CDH4: variants seen among roughly 807,000 people sequenced by gnomAD.
CDH4 encodes the protein cadherin 4, also known as cadherin-4.
In CDH4, 33 loss-of-function variants were observed where a neutral mutation model predicts 86.0. That is an observed-to-expected ratio of 0.38 (90% CI 0.29 to 0.51). The LOEUF (loss-of-function observed/expected upper bound fraction) is 0.51, where lower values mean the gene tolerates loss of function less well. Among genes scored for constraint, CDH4 ranks in the 20% least tolerant of loss-of-function variants. The probability of loss-of-function intolerance (pLI) is 0.86; values close to 1 mark genes in which losing one functional copy is unlikely to be tolerated. For missense variants in CDH4, 1,114 were observed against 1,307.4 expected, an observed-to-expected ratio of 0.85 and a Z score of 2.28; for synonymous variants, 555 against 549.4, an observed-to-expected ratio of 1.01 and a Z score of -0.14.
chr20:61,830,887 T>C (rs1035710538), intron 4 of CDH4, among the ~76,000 whole-genome samples: 1 of 152,228 alleles, frequency 6.6e-6, no homozygotes, highest in Non-Finnish European at 1.5e-5. Flanking sequence ...TCTCTCCTGA[T>C]GCCCTGTTTG....
chr20:61,707,506 G>A (rs1446304822), intron 2 of CDH4, among the ~76,000 whole-genome samples: 6 of 152,228 alleles, frequency 3.9e-5, no homozygotes, highest in African/African-American at 1.4e-4. Context: ...TGAGTGCCGT[G>A]TAATCCTTAC....
rs186916893 is a variant in CDH4, at chr20:61,288,335, C to T, written c.169+33398C>T. Among the ~76,000 whole-genome samples the T allele has an allele frequency of 7.2e-5, 11 of 152,286 alleles. No individual in the cohort carries two copies. In the South Asian group the frequency reaches 8.3e-4, roughly 11 times the overall value. On this transcript the variant is annotated intron_variant, in intron 2 of 15. Transcript: ENST00000614565. ...TTAGAGCTGAAAACATCATGTTGTT[C>T]GCTCTTGGCAGACAACCTAATGCCC...
intron 2 of CDH4, among the ~76,000 whole-genome samples, chr20:61,471,687 G>T (rs535243002): frequency 2.6e-5 from 4 of 151,570 alleles, no homozygotes; most frequent in Non-Finnish European, 5.9e-5. Context: ...GCTGTGTTCC[G>T]TAGGTTTTGC....
intron 2 of CDH4, among the ~76,000 whole-genome samples, chr20:61,407,999 A>T (rs2085093413): frequency 6.6e-6 from 1 of 152,204 alleles, no homozygotes; most frequent in East Asian, 1.9e-4. Flanking sequence ...ACTGAAAGCC[A>T]CCTGTCTAAA....
At chr20:61,693,737 G>A (rs1202647431) in intron 2 of CDH4, among the ~76,000 whole-genome samples, 2 of 152,170 alleles carry the variant, frequency 1.3e-5, no homozygotes, top group African/African-American at 2.4e-5. Context: ...CCAACAACAG[G>A]CAGAAGTGGA....
At chr20:61,696,071 G>A (rs1286576202) in intron 2 of CDH4, among the ~76,000 whole-genome samples, 1 of 152,174 alleles carries the variant, frequency 6.6e-6, no homozygotes, top group East Asian at 1.9e-4. Flanking sequence ...CGTTTCCTGA[G>A]CCCCTCTTGC....
intron 2 of CDH4, among the ~76,000 whole-genome samples, chr20:61,513,982 T>C (rs1600722299): frequency 6.6e-6 from 1 of 152,180 alleles, no homozygotes; most frequent in African/African-American, 2.4e-5. Context: ...GCAGAGAGAA[T>C]GGGCAACGCC....
At chr20:61,758,550 C>T (rs1455320832) in intron 3 of CDH4, among the ~76,000 whole-genome samples, 2 of 152,180 alleles carry the variant, frequency 1.3e-5, no homozygotes, top group African/African-American at 4.8e-5. Flanking sequence ...TCTGCCTCTG[C>T]CCACCTCCCA....
intron 2 of CDH4, among the ~76,000 whole-genome samples, chr20:61,661,671 T>C (rs1430508843): frequency 6.6e-6 from 1 of 152,134 alleles, no homozygotes; most frequent in East Asian, 1.9e-4. Flanking sequence ...TTGTCACCTT[T>C]GCCTTTGTGT....
At chr20:61,567,836 G>A (rs2086311848) in intron 2 of CDH4, among the ~76,000 whole-genome samples, 1 of 152,082 alleles carries the variant, frequency 6.6e-6, no homozygotes, top group African/African-American at 2.4e-5. Flanking sequence ...AGCCAGGTGT[G>A]GTGACACACA....
chr20:61,711,711 G>A (rs2087895321), intron 2 of CDH4, among the ~76,000 whole-genome samples: 1 of 152,212 alleles, frequency 6.6e-6, no homozygotes. Flanking sequence ...GGACATCTGG[G>A]GAGGGCCGTT....
intron 2 of CDH4, among the ~76,000 whole-genome samples, chr20:61,372,948 C>T (rs550208674): frequency 1.3e-5 from 2 of 152,396 alleles, no homozygotes; most frequent in African/African-American, 2.4e-5. Context: ...CCGTGCCCTC[C>T]GCGTCCTTGC....
intron 2 of CDH4, among the ~76,000 whole-genome samples, chr20:61,415,430 G>T (rs1354539656): frequency 6.6e-6 from 1 of 152,108 alleles, no homozygotes; most frequent in African/African-American, 2.4e-5. Context: ...AGCGGCATTA[G>T]GTACATTCAC....
At chr20:61,828,496 G>A (rs1433167193) in intron 4 of CDH4, among the ~76,000 whole-genome samples, 1 of 152,216 alleles carries the variant, frequency 6.6e-6, no homozygotes, top group Non-Finnish European at 1.5e-5. Flanking sequence ...AGAAAGAGAG[G>A]GAGGAACCTC....
intron 2 of CDH4, among the ~76,000 whole-genome samples, chr20:61,706,555 G>T (rs994818394): frequency 6.6e-6 from 1 of 152,200 alleles, no homozygotes; most frequent in Non-Finnish European, 1.5e-5. Flanking sequence ...GGATGGAAAG[G>T]CCAGCCCAAA....
chr20:61,911,328 G>T (rs555151352), intron 9 of CDH4, among the ~76,000 whole-genome samples: 2 of 152,180 alleles, frequency 1.3e-5, no homozygotes, highest in African/African-American at 4.8e-5. Flanking sequence ...ACTTATAAAG[G>T]CCTATCATTA....
At chr20:61,685,082 TCCCATTCCCTGC>T (rs1238080911) in intron 2 of CDH4, among the ~76,000 whole-genome samples, 1 of 152,144 alleles carries the variant, frequency 6.6e-6, no homozygotes, top group Non-Finnish European at 1.5e-5. Flanking sequence ...AGACAGCCAC[TCCCATTCCCTGC>T]CCCATCCCAA....
chr20:61,691,468 G>A (rs1247336694), intron 2 of CDH4, among the ~76,000 whole-genome samples: 1 of 151,906 alleles, frequency 6.6e-6, no homozygotes, highest in African/African-American at 2.4e-5. Flanking sequence ...TGCATGTGTA[G>A]TGTGTGTGCA....
intron 2 of CDH4, among the ~76,000 whole-genome samples, chr20:61,591,977 T>C (rs1277939416): frequency 6.6e-6 from 1 of 152,200 alleles, no homozygotes; most frequent in East Asian, 1.9e-4. Flanking sequence ...CGCCAACTGT[T>C]TGCCTCAAAG....
Sources: allele counts gnomAD v4.1 joint callset (sites outside exome capture counted in the v4.1 genomes callset), GRCh38; gene constraint gnomAD v4.1.1; transcripts MANE v1.5; gene names NCBI Gene and HGNC (gene_info 2026-07-23, HGNC 2026-07-21).